NAV3: variants seen among roughly 807,000 people sequenced by gnomAD.
NAV3 encodes neuron navigator 3, also known as pore membrane and/or filament interacting like protein 1.
A neutral mutation model predicts 244.7 loss-of-function variants in NAV3; 87 were observed. The ratio of observed to expected loss-of-function variants is 0.36; its 90% CI spans 0.30 to 0.42. The LOEUF is 0.42. Ranked by LOEUF, NAV3 falls within the 20% of genes least tolerant of loss-of-function variation. NAV3 has a pLI of 1.00. For synonymous variants in NAV3, 1,126 were observed against 1,042.2 expected (o/e 1.08, Z -1.55); for missense variants, 2,663 against 2,893.3 (o/e 0.92, Z 1.83).
intron 12 of NAV3, among the ~76,000 whole-genome samples, chr12:78,061,680 T>C (rs1421732813): frequency 6.6e-6 from 1 of 152,120 alleles, no homozygotes; most frequent in Non-Finnish European, 1.5e-5. Flanking sequence ...GTTGTAGTTG[T>C]ATGACTCTTT....
chr12:78,111,454 A>T (rs1462275479), intron 12 of NAV3, among the ~76,000 whole-genome samples: 2 of 152,126 alleles, frequency 1.3e-5, no homozygotes, highest in African/African-American at 4.8e-5. Flanking sequence ...TGGTCAAAGG[A>T]TTTGAACATA....
chr12:77,955,641 T>C (rs1239936375), intron 3 of NAV3, among the ~76,000 whole-genome samples: 8 of 152,026 alleles, frequency 5.3e-5, no homozygotes, highest in African/African-American at 1.2e-4. Flanking sequence ...AGGCCAAGCA[T>C]GGTAGATCAC....
intron 12 of NAV3, among the ~76,000 whole-genome samples, chr12:78,061,112 G>C (rs1029118875): frequency 6.6e-6 from 1 of 152,156 alleles, no homozygotes; most frequent in East Asian, 1.9e-4. Flanking sequence ...TTCATAGAAA[G>C]ACAGATTCTC....
chr12:78,043,902 T>A (rs1881312719), intron 9 of NAV3, among the ~76,000 whole-genome samples: 3 of 152,240 alleles, frequency 2.0e-5, no homozygotes, highest in Admixed American at 2.0e-4. Context: ...CTGATGATAG[T>A]TTCTTTTGCT....
intron 22 of NAV3, among the ~76,000 whole-genome samples, chr12:78,152,906 A>G (rs897224744): frequency 6.6e-6 from 1 of 152,000 alleles, no homozygotes; most frequent in Non-Finnish European, 1.5e-5. Context: ...AGAAATTGTT[A>G]TATTAGAACT....
intron 1 of NAV3, among the ~76,000 whole-genome samples, chr12:77,926,807 T>A (rs1266852510): frequency 6.6e-6 from 1 of 152,226 alleles, no homozygotes; most frequent in Non-Finnish European, 1.5e-5. Context: ...AACCTGCATT[T>A]TGAGAACTAC....
intron 9 of NAV3, among the ~76,000 whole-genome samples, chr12:78,029,308 T>C (rs772306722): frequency 6.6e-6 from 1 of 151,994 alleles, no homozygotes; most frequent in African/African-American, 2.4e-5. Flanking sequence ...ATAGCCAAAA[T>C]GGTGCTGAAT....
At chr12:78,084,693 A>G (rs1298605680) in intron 12 of NAV3, among the ~76,000 whole-genome samples, 1 of 151,668 alleles carries the variant, frequency 6.6e-6, no homozygotes, top group African/African-American at 2.4e-5. Context: ...TGTTGAATCC[A>G]CTCCATTCAG....
intron 7 of NAV3, among the ~76,000 whole-genome samples, chr12:78,005,431 G>A (rs1874030537): frequency 6.6e-6 from 1 of 152,190 alleles, no homozygotes; most frequent in Non-Finnish European, 1.5e-5. Flanking sequence ...GAATTTGTGA[G>A]TCTACTCAAC....
At chr12:77,881,660 T>A (rs1168130510) in intron 1 of NAV3, among the ~76,000 whole-genome samples, 1 of 152,062 alleles carries the variant, frequency 6.6e-6, no homozygotes, top group Non-Finnish European at 1.5e-5. Flanking sequence ...GACGATAAGA[T>A]TTTCTACCTA....
At chr12:78,127,231 T>A (rs768581435) in intron 17 of NAV3, 23 bp downstream of exon 17, 1 of 1,608,114 alleles carries the variant, frequency 6.2e-7, no homozygotes, top group African/African-American at 1.3e-5. Context: ...CTCAGCACAA[T>A]TGCTACCTCT....
chr12:77,637,364 C>G (rs1872204545), intron 2 of NAV3, among the ~76,000 whole-genome samples: 1 of 152,180 alleles, frequency 6.6e-6, no homozygotes, highest in East Asian at 1.9e-4. Context: ...AAAATATCCC[C>G]ATGATCAGGA....
intron 5 of NAV3, among the ~76,000 whole-genome samples, chr12:77,994,121 G>A (rs1401807952): frequency 6.6e-6 from 1 of 152,242 alleles, no homozygotes; most frequent in African/African-American, 2.4e-5. Context: ...AAATCATTGA[G>A]AAATGTAATT....
chr12:78,177,518 T>G (rs190806324), intron 27 of NAV3, 102 bp from the exon 28 acceptor site: 1 of 1,208,582 alleles, frequency 8.3e-7, no homozygotes, highest in East Asian at 2.4e-5. Context: ...ATGTTAGAAT[T>G]CAAGTGTTTC....
chr12:78,117,977 C>G lies in NAV3; in HGVS notation c.2770-50C>G, dbSNP rs1461056405. ...GTACATTTCATTGCCTTAATTCATA[C>G]TTTATAAATTTTTCTACATAAAGTT... is the stretch of plus-strand genomic sequence containing the variant. On this transcript the variant is annotated intron_variant, in intron 13 of 39. Transcript: ENST00000397909. 4 of 1,486,284 alleles carry G rather than the reference C, an allele frequency of 2.7e-6. No homozygotes were observed. The East Asian group carries it at 9.3e-5, about 35-fold the overall frequency. The allele number at this position is 1,486,284 out of a possible 1,614,324, so 92.1% of individuals were successfully genotyped here. A position where few individuals can be genotyped will look rare whatever the true frequency, so the allele number is the denominator to read the frequency against.
intron 12 of NAV3, among the ~76,000 whole-genome samples, chr12:78,076,156 A>C (rs1953038239): frequency 6.6e-6 from 1 of 152,182 alleles, no homozygotes; most frequent in South Asian, 2.1e-4. Flanking sequence ...CACAGTTTAC[A>C]ATATGAAAAT....
intron 2 of NAV3, among the ~76,000 whole-genome samples, chr12:77,715,623 T>C (rs919323725): frequency 6.6e-6 from 1 of 152,038 alleles, no homozygotes; most frequent in Non-Finnish European, 1.5e-5. Context: ...ACACTGTTTT[T>C]AGATATATTA....
chr12:77,976,498 C>T (rs1868389112), intron 5 of NAV3, among the ~76,000 whole-genome samples: 1 of 146,272 alleles, frequency 6.8e-6, no homozygotes, highest in Non-Finnish European at 1.5e-5. Flanking sequence ...ACTTGATGTC[C>T]TGGAAAGCAG....
intron 12 of NAV3, among the ~76,000 whole-genome samples, chr12:78,098,611 TAAG>T (rs1262550592): frequency 6.6e-6 from 1 of 151,496 alleles, no homozygotes; most frequent in African/African-American, 2.4e-5. Flanking sequence ...CAGAAGAAAA[TAAG>T]AAAGATTTAT....
Sources: allele counts gnomAD v4.1 joint callset (sites outside exome capture counted in the v4.1 genomes callset), GRCh38; gene constraint gnomAD v4.1.1; transcripts MANE v1.5; gene names NCBI Gene and HGNC (gene_info 2026-07-23, HGNC 2026-07-21).